TRIM45: variants seen among roughly 807,000 people sequenced by gnomAD.
TRIM45 encodes E3 ubiquitin-protein ligase TRIM45.
In TRIM45, 45 loss-of-function variants were observed where a neutral mutation model predicts 46.7. The ratio of observed to expected loss-of-function variants is 0.96; its 90% CI spans 0.76 to 1.24. The LOEUF (loss-of-function observed/expected upper bound fraction) is 1.24, where lower values mean the gene tolerates loss of function less well. Ranked by LOEUF, TRIM45 falls within the 50% of genes most tolerant of loss-of-function variation. The pLI, the probability that TRIM45 is intolerant of heterozygous loss-of-function variation, is 0.00. For synonymous variants in TRIM45, 259 were observed against 285.8 expected (o/e 0.91, Z 0.94); for missense variants, 680 against 728.4 (o/e 0.93, Z 0.77).
Position 117,116,937 on chromosome 1 carries a change from A to G in TRIM45, c.1223-192T>C, listed in dbSNP as rs1650425322. On this transcript the variant is annotated intron_variant, in intron 2 of 5. Transcript: ENST00000256649. This position sits in a 1 kb window ranked among gnomAD's most constrained non-coding sequence, Gnocchi z 4.6. ...CCTTCCTGGTTGGCCTGGTTCTCTCAGCTAGCAGCTGCTTTGGATCACACA... is the reference window on the plus strand; with the variant it reads ...CCTTCCTGGTTGGCCTGGTTCTCTCGGCTAGCAGCTGCTTTGGATCACACA... Among the ~76,000 whole-genome samples the G allele has an allele frequency of 6.6e-6, 1 of 151,850 alleles. No individual in the cohort carries two copies.
chr1:117,119,505 G>A (rs1358865548), intron 1 of TRIM45, among the ~76,000 whole-genome samples: 3 of 152,118 alleles, frequency 2.0e-5, no homozygotes, highest in Non-Finnish European at 4.4e-5. Flanking sequence ...TACTGGGGAG[G>A]CTGAGGCAGG....
At position 117,118,615 on chromosome 1, in the gene TRIM45, C is replaced by T. The variant is rs1311409170; in HGVS notation, c.641G>A (p.Cys214Tyr). 1 of 1,614,142 alleles carries T rather than the reference C, an allele frequency of 6.2e-7. No homozygotes were observed. The highest frequency in any genetic ancestry group is 1.1e-5 in the South Asian group (1 of 91,080). ...GTGTTCCCGATGCTCCCCCACCACA[C>T]AATCCTGGCACACGGGCCGGTCACA... Reference protein sequence around the residue: ...EFCDRPVCQDCVVGEHREHPC... With the variant: ...EFCDRPVCQDYVVGEHREHPC... Residue 214 changes from cysteine (C) to tyrosine (Y), a missense_variant, in exon 2 of 6, where the codon TGT becomes TAT. Cys to Tyr is a radical substitution (Grantham distance 194). Around this residue, in one of 3 missense-constraint regions of TRIM45, gnomAD observed 349 missense variants for 343.6 expected, o/e 1.02. Coordinates refer to ENST00000256649, the MANE Select transcript of TRIM45 (RefSeq NM_025188.4). The surrounding 1 kb of genome is among the most constrained non-coding windows in gnomAD (Gnocchi z 5.7).
chr1:117,121,075 G>C lies in TRIM45; in HGVS notation c.127C>G (p.Pro43Ala), dbSNP rs1290881630. ...GTGGTGCAAACTGTATGCAAACAAG[G>C]CAAGAGCCTGGGGGCTTTGAAAAGC... ...LGLFKAPRLLPCLHTVCTTCL... is the reference protein window; with the variant it reads ...LGLFKAPRLLACLHTVCTTCL... The change falls in exon 1 of 6, where the codon CCT becomes GCT. Residue 43 changes from proline to alanine, a missense_variant. Coordinates refer to ENST00000256649, the MANE Select transcript of TRIM45 (RefSeq NM_025188.4). The surrounding 1 kb of genome is among the most constrained non-coding windows in gnomAD (Gnocchi z 4.2). The C allele has an allele frequency of 1.2e-6, 2 of 1,614,022 alleles. No homozygotes were observed. The highest frequency in any genetic ancestry group is 2.7e-5 in the African/African-American group (2 of 74,908).
Position 117,113,954 on chromosome 1 carries a change from C to G in TRIM45, c.1468-469G>C, listed in dbSNP as rs556030807. ...ATGAAGTATAAGTACCTAGATCATT[C>G]AATACATTAGTAATCTCAGACTGAC... On this transcript the variant is annotated intron_variant, in intron 4 of 5. Coordinates refer to ENST00000256649, the MANE Select transcript of TRIM45 (RefSeq NM_025188.4). The surrounding 1 kb of genome is among the most constrained non-coding windows in gnomAD (Gnocchi z 4.0). Among the ~76,000 whole-genome samples the G allele has an allele frequency of 6.6e-6, 1 of 152,338 alleles. No individual in the cohort carries two copies. The highest frequency in any genetic ancestry group is 2.4e-5 in the African/African-American group (1 of 41,572).
chr1:117,121,263 G>C lies in TRIM45; in HGVS notation c.-62C>G. ...TGGGCAGTTCTACGATTTAGTAGCA[G>C]GTGATTAAGCCCACCCAAAGAGAAA... is the stretch of plus-strand genomic sequence containing the variant. On this transcript the variant is annotated 5_prime_UTR_variant, in exon 1 of 6. Coordinates refer to ENST00000256649, the MANE Select transcript of TRIM45 (RefSeq NM_025188.4). The surrounding 1 kb of genome is among the most constrained non-coding windows in gnomAD (Gnocchi z 4.2). 1 of 1,493,222 alleles carries C rather than the reference G, an allele frequency of 6.7e-7. No homozygotes were observed. The highest frequency in any genetic ancestry group is 8.9e-7 in the Non-Finnish European group (1 of 1,128,280). The allele number at this position is 1,493,222 out of a possible 1,614,324, so 92.5% of individuals were successfully genotyped here. A position where few individuals can be genotyped will look rare whatever the true frequency, so the allele number is the denominator to read the frequency against.
chr1:117,121,406 C>A lies in TRIM45; in HGVS notation c.-205G>T. 1.7e-6 allele frequency: 1 copy of A among 588,538 alleles called. No individual in the cohort carries two copies. Among genetic ancestry groups the A allele is most frequent in the East Asian group, 2.9e-5 (1 of 34,730 alleles). 36.5% of individuals were successfully genotyped at this position (588,538 alleles called of 1,614,324 possible). A position where few individuals can be genotyped will look rare whatever the true frequency, so the allele number is the denominator to read the frequency against. On this transcript the variant is annotated 5_prime_UTR_variant, in exon 1 of 6. Coordinates refer to ENST00000256649, the MANE Select transcript of TRIM45 (RefSeq NM_025188.4). The surrounding 1 kb of genome is among the most constrained non-coding windows in gnomAD (Gnocchi z 4.2). Reference sequence around the variant, plus strand: ...ACAGATCTACTCAGGAGGGCCCCCTCCTTTCCACTGCATCCCACACCAGAC... The same window carrying A: ...ACAGATCTACTCAGGAGGGCCCCCTACTTTCCACTGCATCCCACACCAGAC...
At chr1:117,120,566 G>T in intron 1 of TRIM45, 148 bp downstream of exon 1, 2 of 1,105,126 alleles carry the variant, frequency 1.8e-6, no homozygotes, top group Non-Finnish European at 2.6e-6. Context: ...TTGTACTGGA[G>T]TATTTGCTAT....
intron 5 of TRIM45, among the ~76,000 whole-genome samples, chr1:117,112,711 G>A (rs1189987863): frequency 1.3e-5 from 2 of 152,104 alleles, no homozygotes; most frequent in Non-Finnish European, 2.9e-5. Context: ...ACCTGAAGGA[G>A]GCGAACTAGT....
rs534448204 is a variant in TRIM45 at position 117,113,475 on chromosome 1, A to G, written c.1478T>C (p.Phe493Ser). Residue 493 changes from phenylalanine to serine, a missense_variant, in exon 5 of 6, where the codon TTC (phenylalanine) becomes TCC (serine). Phe to Ser is a radical substitution (Grantham distance 155). This residue lies in a region of TRIM45 where 322 missense variants were observed against 359.3 expected (regional missense o/e 0.90). Transcript: ENST00000256649. This position sits in a 1 kb window ranked among gnomAD's most constrained non-coding sequence, Gnocchi z 4.0. The stretch of plus-strand genomic sequence containing the variant: ...GTGCTTTCTCCTCACCATCACAGTG[A>G]ATGGCGAGCCCTGCAGTGTTCAGAC... ...IKEQHVQGSP[F>S]TVMVRRKHRP... 130 of 1,612,918 alleles carry G rather than the reference A, an allele frequency of 8.1e-5. 1 individual carries two copies. The South Asian group carries it at 1.2e-3, about 15-fold the overall frequency.
rs1177240516 is a variant in TRIM45 at position 117,121,273 on chromosome 1, C to G, written c.-72G>C. 8.1e-6 allele frequency: 12 copies of G among 1,485,758 alleles called. No individual in the cohort carries two copies. The highest frequency in any genetic ancestry group is 1.1e-5 in the Non-Finnish European group (12 of 1,122,670). The allele number at this position is 1,485,758 out of a possible 1,614,324, so 92.0% of individuals were successfully genotyped here. A position where few individuals can be genotyped will look rare whatever the true frequency, so the allele number is the denominator to read the frequency against. The stretch of plus-strand genomic sequence containing the variant: ...TACGATTTAGTAGCAGGTGATTAAG[C>G]CCACCCAAAGAGAAAGTCTCCAGAA... On this transcript the variant is annotated 5_prime_UTR_variant, in exon 1 of 6. Coordinates refer to ENST00000256649, the MANE Select transcript of TRIM45 (RefSeq NM_025188.4). The surrounding 1 kb of genome is among the most constrained non-coding windows in gnomAD (Gnocchi z 4.2).
rs1259404942 is a variant in TRIM45 at position 117,121,290 on chromosome 1, T to C, written c.-89A>G. On this transcript the variant is annotated 5_prime_UTR_variant, in exon 1 of 6. Transcript: ENST00000256649. This position sits in a 1 kb window ranked among gnomAD's most constrained non-coding sequence, Gnocchi z 4.2. ...TGATTAAGCCCACCCAAAGAGAAAG[T>C]CTCCAGAACTTGAACAGAGACCATG... 2 of 1,467,172 alleles carry C rather than the reference T, an allele frequency of 1.4e-6. No homozygotes were observed. Among genetic ancestry groups the C allele is most frequent in the African/African-American group, 1.4e-5 (1 of 70,962 alleles). The allele number at this position is 1,467,172 out of a possible 1,614,324, so 90.9% of individuals were successfully genotyped here.
rs1455033189 is a variant in TRIM45 at position 117,118,245 on chromosome 1, G to A, written c.1011C>T (p.Ser337=). 1.2e-6 allele frequency: 2 copies of A among 1,614,138 alleles called. No individual in the cohort carries two copies. Among genetic ancestry groups the A allele is most frequent in the East Asian group, 2.2e-5 (1 of 44,878 alleles). Residue 337 remains serine, a synonymous_variant, in exon 2 of 6, where the codon AGC becomes AGT. Transcript: ENST00000256649. The surrounding 1 kb of genome is among the most constrained non-coding windows in gnomAD (Gnocchi z 5.7). ...TGATGAGGATCTCCAAGTCTGAGCCGCTGGTCAGCAAGTGCTCGGTGAACT... is the reference window on the plus strand; with the variant it reads ...TGATGAGGATCTCCAAGTCTGAGCCACTGGTCAGCAAGTGCTCGGTGAACT... ...GVEFTEHLLT[S]GSDLEILITK...
upstream of TRIM45, chr1:117,121,760 A>T (rs1354226259): frequency 1.4e-6 from 1 of 693,228 alleles, no homozygotes; most frequent in Admixed American, 2.1e-5. This position sits in a 1 kb window ranked among gnomAD's most constrained non-coding sequence, Gnocchi z 4.2. Flanking sequence ...CCCTCCTCAC[A>T]CCAATCCCAG....
rs567854524 is a variant in TRIM45 at position 117,113,302 on chromosome 1, C to T, written c.1594+57G>A. The T allele has an allele frequency of 1.3e-5, 21 of 1,595,054 alleles. No homozygotes were observed. The East Asian group carries it at 1.3e-4, about 10-fold the overall frequency. On this transcript the variant is annotated intron_variant, in intron 5 of 5. Transcript: ENST00000256649. This position sits in a 1 kb window ranked among gnomAD's most constrained non-coding sequence, Gnocchi z 4.0. The stretch of plus-strand genomic sequence containing the variant: ...AGTGGCTGTGTGGTAGGGAAGGGCC[C>T]GTCGCTTGATTCCCACTGCTGGCAG...
chr1:117,123,781 C>A (rs985989788), upstream of TRIM45, among the ~76,000 whole-genome samples: 1 of 152,120 alleles, frequency 6.6e-6, no homozygotes, highest in Non-Finnish European at 1.5e-5. Context: ...AGGCATGCAC[C>A]ACCACACCTG....
At position 117,111,157 on chromosome 1, in the gene TRIM45, G is replaced by A. The variant is rs1273551696; in HGVS notation, c.*1148C>T. The A allele has an allele frequency of 1.3e-5, 2 of 152,156 alleles. No individual in the cohort carries two copies. The highest frequency in any genetic ancestry group is 2.9e-5 in the Non-Finnish European group (2 of 68,034). The allele number at this position is 152,156 out of a possible 1,614,324, so 9.4% of individuals were successfully genotyped here. A position where few individuals can be genotyped will look rare whatever the true frequency, so the allele number is the denominator to read the frequency against. On this transcript the variant is annotated 3_prime_UTR_variant, in exon 6 of 6. Transcript: ENST00000256649. Reference sequence around the variant, plus strand: ...ACAGTGAAGACCTTGGCAGGGCTGAGGCACCAGTGCTGTGTACATCCTCTC... The same window carrying A: ...ACAGTGAAGACCTTGGCAGGGCTGAAGCACCAGTGCTGTGTACATCCTCTC...
chr1:117,116,730 C>T lies in TRIM45; in HGVS notation c.1238G>A (p.Arg413Gln), dbSNP rs3738413. ...VLQGEDLHRA[R>Q]EKQTASFTLL... ...GGTGAAAGAGGCCGTCTGTTTCTCC[C>T]GGGCTCTGTGGAGGTCTGAAAAAGA... is the stretch of plus-strand genomic sequence containing the variant. The change falls in exon 3 of 6, where the codon CGG becomes CAG. Residue 413 changes from arginine (R) to glutamine (Q), a missense_variant. Arg to Gln is a conservative substitution (Grantham distance 43). Transcript: ENST00000256649. The surrounding 1 kb of genome is among the most constrained non-coding windows in gnomAD (Gnocchi z 4.6). 0.1 allele frequency: 162,585 copies of T among 1,613,908 alleles called. 8,625 individuals carry two copies. Among genetic ancestry groups the T allele is most frequent in the Admixed American group, 0.12 (7,364 of 60,010 alleles).
chr1:117,112,074 A>G lies in TRIM45; in HGVS notation c.*231T>C. ...ATGAAAAGGAGTATCCTGTGGTAGA[A>G]AAAGAACGTTGCCAACCTACCTTTA... On this transcript the variant is annotated 3_prime_UTR_variant, in exon 6 of 6. Coordinates refer to ENST00000256649, the MANE Select transcript of TRIM45 (RefSeq NM_025188.4). 1 of 418,714 alleles carries G rather than the reference A, an allele frequency of 2.4e-6. No individual in the cohort carries two copies. The allele number at this position is 418,714 out of a possible 1,614,324, so 25.9% of individuals were successfully genotyped here.
At chr1:117,114,541 C>T (rs1330583906) in intron 4 of TRIM45, among the ~76,000 whole-genome samples, 1 of 152,240 alleles carries the variant, frequency 6.6e-6, no homozygotes, top group Non-Finnish European at 1.5e-5. Context: ...AACAGAGAAC[C>T]TAGCACCTTA....
Sources: allele counts gnomAD v4.1 joint callset (sites outside exome capture counted in the v4.1 genomes callset), GRCh38; gene constraint gnomAD v4.1.1; regional missense constraint gnomAD v4.1.1; non-coding constraint Gnocchi (gnomAD v3.1); transcripts MANE v1.5; gene names NCBI Gene and HGNC (gene_info 2026-07-23, HGNC 2026-07-21).